SLC35D4: variants seen among roughly 807,000 people sequenced by gnomAD.
SLC35D4 encodes the protein UDP-N-acetylglucosamine transporter SLC35D4.
At chr18:23,310,754 G>T in the SLC35D4 span, among the ~76,000 whole-genome samples, 109,837 of 151,764 alleles carry the variant, frequency 0.72, 39,831 homozygotes, top group Middle Eastern at 0.88. Flanking sequence ...TCATCGTCAC[G>T]CATTACCATC....
chr18:23,410,666 G>A, the SLC35D4 span, among the ~76,000 whole-genome samples: 7 of 152,058 alleles, frequency 4.6e-5, no homozygotes, highest in East Asian at 1.9e-4. Context: ...GCATCATGGC[G>A]GGCGCCTGTA....
At chr18:23,245,883 C>A in the SLC35D4 span, among the ~76,000 whole-genome samples, 1 of 152,248 alleles carries the variant, frequency 6.6e-6, no homozygotes, top group African/African-American at 2.4e-5. Flanking sequence ...GGGTTAGAAC[C>A]CCCCATCCAT....
At chr18:23,421,946 G>A in the SLC35D4 span, among the ~76,000 whole-genome samples, 32 of 151,964 alleles carry the variant, frequency 2.1e-4, no homozygotes, top group African/African-American at 6.3e-4. Context: ...CAAAGTGCTG[G>A]CATTATAGGC....
the SLC35D4 span, among the ~76,000 whole-genome samples, chr18:23,309,234 G>C: frequency 4.0e-5 from 1 of 24,878 alleles, no homozygotes; most frequent in Non-Finnish European, 6.6e-5. Flanking sequence ...CTGATTGTGT[G>C]TGTGTGTGTG....
chr18:23,267,570 C>T, the SLC35D4 span, among the ~76,000 whole-genome samples: 1 of 152,154 alleles, frequency 6.6e-6, no homozygotes, highest in Admixed American at 6.5e-5. Context: ...CTTCCTGCTG[C>T]CTCTGTCATG....
At chr18:23,404,876 C>T in the SLC35D4 span, among the ~76,000 whole-genome samples, 3 of 151,686 alleles carry the variant, frequency 2.0e-5, no homozygotes, top group African/African-American at 7.3e-5. Context: ...GTCCCAGCTA[C>T]TCAGGAGGCT....
the SLC35D4 span, chr18:23,370,391 G>T: frequency 5.8e-4 from 463 of 797,110 alleles, no homozygotes; most frequent in Non-Finnish European, 8.4e-4. Context: ...TTTTCCCTAC[G>T]AGTGTCACAC....
At chr18:23,238,811 G>T in the SLC35D4 span, among the ~76,000 whole-genome samples, 1 of 152,330 alleles carries the variant, frequency 6.6e-6, no homozygotes, top group South Asian at 2.1e-4. Context: ...AGAGCTCCTG[G>T]CTCGAGGCTG....
At chr18:23,336,898 C>G in the SLC35D4 span, among the ~76,000 whole-genome samples, 1 of 152,172 alleles carries the variant, frequency 6.6e-6, no homozygotes, top group Non-Finnish European at 1.5e-5. Context: ...TAATAGAATA[C>G]AAAGTAGAAA....
chr18:23,367,755 T>C, the SLC35D4 span, among the ~76,000 whole-genome samples: 1 of 144,668 alleles, frequency 6.9e-6, no homozygotes, highest in Admixed American at 6.8e-5. Context: ...CTTGAAGCCC[T>C]GGATACTTTT....
At chr18:23,351,433 C>A in the SLC35D4 span, among the ~76,000 whole-genome samples, 31 of 148,764 alleles carry the variant, frequency 2.1e-4, no homozygotes, top group African/African-American at 7.4e-4. Flanking sequence ...AAAACAAAAA[C>A]AAAAACAAAA....
chr18:23,246,612 C>T, the SLC35D4 span, among the ~76,000 whole-genome samples: 83,313 of 151,232 alleles, frequency 0.55, 23,195 homozygotes, highest in Admixed American at 0.62. Flanking sequence ...AGGATGGTCT[C>T]GATCTCCTGA....
chr18:23,363,537 G>A, the SLC35D4 span, among the ~76,000 whole-genome samples: 1 of 151,524 alleles, frequency 6.6e-6, no homozygotes, highest in African/African-American at 2.4e-5. Context: ...ACCACGCCCG[G>A]CTAATTTTTT....
the SLC35D4 span, chr18:23,310,200 A>T: frequency 2.0e-6 from 2 of 985,326 alleles, no homozygotes; most frequent in Non-Finnish European, 2.4e-6. Context: ...TGTCCAATGC[A>T]CCATCTCTCC....
chr18:23,245,740 C>T, the SLC35D4 span, among the ~76,000 whole-genome samples: 1 of 152,220 alleles, frequency 6.6e-6, no homozygotes, highest in Non-Finnish European at 1.5e-5. Flanking sequence ...CTGACCTTCT[C>T]CTTTCCCTGT....
the SLC35D4 span, among the ~76,000 whole-genome samples, chr18:23,348,003 C>T: frequency 3.3e-5 from 5 of 152,178 alleles, no homozygotes; most frequent in African/African-American, 1.2e-4. Flanking sequence ...TCAAGCACTA[C>T]TTTAGCTGCA....
At chr18:23,420,984 CTG>C in the SLC35D4 span, among the ~76,000 whole-genome samples, 2 of 152,078 alleles carry the variant, frequency 1.3e-5, no homozygotes. Context: ...TGGCTCACGC[CTG>C]TAATCCTAGC....
At chr18:23,242,692 C>A in the SLC35D4 span, among the ~76,000 whole-genome samples, 1,884 of 150,718 alleles carry the variant, frequency 0.013, 13 homozygotes, top group African/African-American at 0.024. Context: ...GTGTTCACAT[C>A]AAAAAGAAAA....
At chr18:23,285,721 A>G in the SLC35D4 span, among the ~76,000 whole-genome samples, 11 of 151,698 alleles carry the variant, frequency 7.3e-5, no homozygotes, top group Non-Finnish European at 1.3e-4. Context: ...CCCCAGGCTA[A>G]GTCCCAATTC....
Sources: allele counts gnomAD v4.1 joint callset (sites outside exome capture counted in the v4.1 genomes callset), GRCh38; gene constraint gnomAD v4.1.1; transcripts MANE v1.5; gene names NCBI Gene and HGNC (gene_info 2026-07-23, HGNC 2026-07-21).